PDE11A: variants seen among roughly 807,000 people sequenced by gnomAD.
PDE11A encodes dual 3',5'-cyclic-AMP and -GMP phosphodiesterase 11A.
In PDE11A, 100 loss-of-function variants were observed where a neutral mutation model predicts 100.5. That is an observed-to-expected ratio of 1.00 (90% CI 0.85 to 1.18). The LOEUF is 1.18. PDE11A is among the 50% of genes most tolerant of loss of function. The probability of loss-of-function intolerance (pLI) is 0.00; values close to 1 mark genes in which losing one functional copy is unlikely to be tolerated. For synonymous variants in PDE11A, 381 were observed against 420.8 expected (o/e 0.91, Z 1.16); for missense variants, 1,141 against 1,152.6 (o/e 0.99, Z 0.15).
chr2:177,930,123 T>G (rs1396257182), intron 2 of PDE11A, among the ~76,000 whole-genome samples: 1 of 152,230 alleles, frequency 6.6e-6, no homozygotes, highest in African/African-American at 2.4e-5. Context: ...ATTAATTATG[T>G]GAAATTCAAC....
intron 15 of PDE11A, among the ~76,000 whole-genome samples, chr2:177,681,163 T>C (rs2080856588): frequency 6.6e-6 from 1 of 152,124 alleles, no homozygotes; most frequent in African/African-American, 2.4e-5. Flanking sequence ...CAGAAAACAA[T>C]GTGGTGCGGC....
chr2:178,070,877 C>T (rs2087117811), intron 1 of PDE11A, among the ~76,000 whole-genome samples: 2 of 152,130 alleles, frequency 1.3e-5, no homozygotes, highest in Admixed American at 1.3e-4. Flanking sequence ...ATAACTAGCC[C>T]CTCTATCTGT....
intron 2 of PDE11A, among the ~76,000 whole-genome samples, chr2:177,985,030 ACT>A (rs1216634217): frequency 6.6e-6 from 1 of 151,966 alleles, no homozygotes; most frequent in East Asian, 1.9e-4. Context: ...AAATTCAAAA[ACT>A]CTTACTGAGA....
At chr2:177,759,255 C>A (rs969944681) in intron 10 of PDE11A, among the ~76,000 whole-genome samples, 1 of 151,888 alleles carries the variant, frequency 6.6e-6, no homozygotes, top group Non-Finnish European at 1.5e-5. Flanking sequence ...GCTAAAATTT[C>A]TGAAAAATCT....
At chr2:177,707,403 C>T (rs1176866622) in intron 13 of PDE11A, among the ~76,000 whole-genome samples, 1 of 152,140 alleles carries the variant, frequency 6.6e-6, no homozygotes, top group African/African-American at 2.4e-5. Flanking sequence ...TCTGAAGTAG[C>T]CCAATTTTCA....
chr2:178,003,513 G>A (rs1332947871), intron 2 of PDE11A, among the ~76,000 whole-genome samples: 4 of 152,094 alleles, frequency 2.6e-5, no homozygotes, highest in African/African-American at 9.7e-5. Context: ...AACCCACAGA[G>A]ATAGAAGGTA....
At chr2:177,908,455 T>C (rs940340988) in intron 2 of PDE11A, among the ~76,000 whole-genome samples, 1 of 152,152 alleles carries the variant, frequency 6.6e-6, no homozygotes, top group Admixed American at 6.5e-5. Context: ...ACTGAGCCTG[T>C]CAGCAGGTAG....
intron 18 of PDE11A, among the ~76,000 whole-genome samples, chr2:177,666,807 G>A (rs1050808540): frequency 7.9e-5 from 12 of 151,874 alleles, no homozygotes; most frequent in African/African-American, 2.9e-4. Context: ...GCCCATAAAA[G>A]ATATATGATT....
At chr2:177,863,182 T>A (rs917390884) in intron 5 of PDE11A, among the ~76,000 whole-genome samples, 1 of 151,672 alleles carries the variant, frequency 6.6e-6, no homozygotes, top group African/African-American at 2.4e-5. Flanking sequence ...AAAAATCAAC[T>A]CAAAATGAAA....
intron 1 of PDE11A, among the ~76,000 whole-genome samples, chr2:178,032,539 C>G (rs1370903067): frequency 6.6e-6 from 1 of 152,026 alleles, no homozygotes; most frequent in African/African-American, 2.4e-5. Flanking sequence ...CAACAGTACA[C>G]CAGCTCTGCT....
intron 19 of PDE11A, among the ~76,000 whole-genome samples, chr2:177,644,048 T>C (rs1381678892): frequency 2.7e-4 from 41 of 152,230 alleles, no homozygotes. Flanking sequence ...GGTGGGGCCC[T>C]CATGGAGAAC....
chr2:178,107,854 T>G (rs2087639945), intron 1 of PDE11A, among the ~76,000 whole-genome samples: 1 of 151,918 alleles, frequency 6.6e-6, no homozygotes. Context: ...CCTGAGTAGC[T>G]AGGATTACAG....
At chr2:177,874,612 C>T (rs2084199336) in intron 5 of PDE11A, among the ~76,000 whole-genome samples, 1 of 152,098 alleles carries the variant, frequency 6.6e-6, no homozygotes, top group African/African-American at 2.4e-5. Context: ...CCAATGAGAA[C>T]AAGAAGTGAA....
chr2:177,739,932 A>G (rs2081848654), intron 10 of PDE11A, among the ~76,000 whole-genome samples: 1 of 152,182 alleles, frequency 6.6e-6, no homozygotes, highest in Non-Finnish European at 1.5e-5. Context: ...GTGTGTCCTG[A>G]TTCCTGAGCC....
intron 5 of PDE11A, among the ~76,000 whole-genome samples, chr2:177,852,218 A>T (rs1037459895): frequency 6.6e-6 from 1 of 152,164 alleles, no homozygotes; most frequent in Non-Finnish European, 1.5e-5. Flanking sequence ...TGGGACTGAA[A>T]GTTTCAACAT....
intron 6 of PDE11A, among the ~76,000 whole-genome samples, chr2:177,831,080 A>T (rs2083301151): frequency 6.6e-6 from 1 of 152,230 alleles, no homozygotes; most frequent in Admixed American, 6.5e-5. Flanking sequence ...GAGCCAACTC[A>T]AACAGGCATT....
chr2:177,899,637 A>AATATAT (rs3037901), intron 3 of PDE11A: 34,671 of 208,152 alleles, frequency 0.17, 2,752 homozygotes, highest in Non-Finnish European at 0.18. Context: ...CAGATTCTTA[A>AATATAT]ATATATATAT....
intron 15 of PDE11A, 149 bp downstream of exon 15, chr2:177,697,183 A>G (rs2081125022): frequency 3.1e-6 from 2 of 654,394 alleles, no homozygotes; most frequent in Non-Finnish European, 5.7e-6. Context: ...GACTTCATTT[A>G]TATCAGAGAG....
chr2:177,835,834 G>T (rs1270381693), intron 6 of PDE11A, among the ~76,000 whole-genome samples: 2 of 152,236 alleles, frequency 1.3e-5, no homozygotes, highest in African/African-American at 2.4e-5. Context: ...GCTGCAGAGG[G>T]TGTGCTGGGT....
Sources: gnomAD v4.1 joint callset for allele counts (sites outside exome capture counted in the v4.1 genomes callset) on GRCh38, gnomAD v4.1.1 for gene constraint, MANE v1.5 for transcripts, NCBI Gene and HGNC (gene_info 2026-07-23, HGNC 2026-07-21) for gene names.